The following OXSR1 variants were observed in gnomAD, a reference collection of about 807,000 sequenced individuals.
The protein encoded by OXSR1 is oxidative stress responsive kinase 1, also known as serine/threonine-protein kinase OSR1.
OXSR1 carries 24 observed loss-of-function variants against 79.8 expected under a neutral mutation model. That is an observed-to-expected ratio of 0.30 (90% confidence interval 0.22 to 0.42). OXSR1 has a LOEUF of 0.42. Ranked by LOEUF, OXSR1 falls within the 10% of genes least tolerant of loss-of-function variation. The pLI is 1.00. For missense variants in OXSR1, 430 were observed against 618.4 expected (o/e 0.70, Z 3.23); for synonymous variants, 226 against 209.2 (o/e 1.08, Z -0.69).
At position 38,223,723 on chromosome 3, in the gene OXSR1, T is replaced by C. The variant is rs964117638; in HGVS notation, c.601-89T>C. On this transcript the variant is annotated intron_variant, in intron 6 of 17. Coordinates refer to ENST00000311806, the MANE Select transcript of OXSR1 (RefSeq NM_005109.3). ...CCTCAGCCTCCCAAAGTGCTGGGAT[T>C]ACAGGTGTGAGCCTCCACCCTGGCC... 3 of 818,698 alleles carry C rather than the reference T, an allele frequency of 3.7e-6. No individual in the cohort carries two copies. The African/African-American group carries it at 5.2e-5, about 14-fold the overall frequency. The allele number at this position is 818,698 out of a possible 1,614,324, so 50.7% of individuals were successfully genotyped here. A position where few individuals can be genotyped will look rare whatever the true frequency, so the allele number is the denominator to read the frequency against.
At chr3:38,227,682 G>A (rs1424476651) in intron 8 of OXSR1, among the ~76,000 whole-genome samples, 1 of 152,074 alleles carries the variant, frequency 6.6e-6, no homozygotes, top group African/African-American at 2.4e-5. Flanking sequence ...GAATTTTCGA[G>A]AGTTGATGAA....
chr3:38,198,699 A>C, intron 3 of OXSR1, 23 bp from the exon 4 acceptor site: 1 of 1,591,066 alleles, frequency 6.3e-7, no homozygotes, highest in Non-Finnish European at 8.6e-7. Flanking sequence ...AGATTTTTAG[A>C]AAATTATGTC....
chr3:38,172,357 A>G (rs1701598250), intron 1 of OXSR1, among the ~76,000 whole-genome samples: 1 of 152,218 alleles, frequency 6.6e-6, no homozygotes, highest in African/African-American at 2.4e-5. Flanking sequence ...GATATTGCTA[A>G]TAATACAATA....
intron 1 of OXSR1, among the ~76,000 whole-genome samples, chr3:38,178,616 ATATATTTTT>A (rs1337660994): frequency 1.6e-4 from 14 of 88,016 alleles, no homozygotes; most frequent in African/African-American, 7.2e-4. Flanking sequence ...ATATATATAT[ATATATTTTT>A]TTTTTTTTTT....
At chr3:38,173,777 G>A (rs1476427152) in intron 1 of OXSR1, among the ~76,000 whole-genome samples, 2 of 152,208 alleles carry the variant, frequency 1.3e-5, no homozygotes, top group Non-Finnish European at 2.9e-5. Context: ...GCCAGGCACT[G>A]TTCTGGATGC....
At chr3:38,172,599 G>A (rs1263819499) in intron 1 of OXSR1, among the ~76,000 whole-genome samples, 1 of 152,148 alleles carries the variant, frequency 6.6e-6, no homozygotes, top group African/African-American at 2.4e-5. Flanking sequence ...TGAGTTTAAA[G>A]TTGTGGTTTT....
chr3:38,198,624 G>A (rs1702107307), intron 3 of OXSR1, 98 bp from the exon 4 acceptor site: 1 of 830,280 alleles, frequency 1.2e-6, no homozygotes, highest in Non-Finnish European at 1.8e-6. Context: ...GCACAGTTAA[G>A]TTTATGAGAA....
chr3:38,252,818 C>A lies in OXSR1; in HGVS notation c.1511C>A (p.Ala504Glu), dbSNP rs1703285963. 4 of 1,610,588 alleles carry A rather than the reference C, an allele frequency of 2.5e-6. No homozygotes were observed. The highest frequency in any genetic ancestry group is 3.4e-6 in the Non-Finnish European group (4 of 1,177,048). Residue 504 changes from alanine to glutamate, a missense_variant and splice_region_variant, in exon 18 of 18, where the codon GCA (alanine) becomes GAA (glutamate). Physicochemically the swap from Ala to Glu is moderately radical, Grantham distance 107. Transcript: ENST00000311806. ...TTTCTCATTTTGTTTGGTTCTTAGG[C>A]ATCTGGTGTCGAAGGCTCAGATATT... ...QSNRSVTFKL[A>E]SGVEGSDIPD...
intron 1 of OXSR1, among the ~76,000 whole-genome samples, chr3:38,169,002 A>G (rs1314721998): frequency 1.3e-5 from 2 of 152,270 alleles, no homozygotes; most frequent in African/African-American, 2.4e-5. Flanking sequence ...GCTGGGTTAT[A>G]TCACAAATTC....
intron 5 of OXSR1, among the ~76,000 whole-genome samples, chr3:38,219,208 C>A (rs1463761727): frequency 6.6e-6 from 1 of 152,086 alleles, no homozygotes; most frequent in African/African-American, 2.4e-5. Flanking sequence ...TTTAACTAGT[C>A]TTCAGGGTTC....
At chr3:38,164,772 G>A (rs1031504612), upstream of OXSR1, among the ~76,000 whole-genome samples, 1 of 152,128 alleles carries the variant, frequency 6.6e-6, no homozygotes, top group South Asian at 2.1e-4. Flanking sequence ...TTGAGCTTCA[G>A]ATCTAAAGCT....
intron 5 of OXSR1, among the ~76,000 whole-genome samples, chr3:38,221,164 G>A (rs887835672): frequency 2.6e-5 from 4 of 152,064 alleles, no homozygotes; most frequent in African/African-American, 9.7e-5. Flanking sequence ...AAAAATGAAT[G>A]GATAAATGAA....
intron 4 of OXSR1, among the ~76,000 whole-genome samples, chr3:38,205,895 T>G (rs1238087740): frequency 6.6e-6 from 1 of 152,204 alleles, no homozygotes; most frequent in Non-Finnish European, 1.5e-5. Context: ...CTGAAATGGT[T>G]GTTTTGTCAT....
chr3:38,231,750 A>G (rs552198233), intron 10 of OXSR1, among the ~76,000 whole-genome samples: 2 of 152,232 alleles, frequency 1.3e-5, no homozygotes, highest in African/African-American at 4.8e-5. Context: ...TTCTATGCTT[A>G]TTATTGTTTA....
rs111369288 is a variant in OXSR1 at position 38,228,338 on chromosome 3, A to G, written c.837-1349A>G. On this transcript the variant is annotated intron_variant, in intron 8 of 17. Coordinates refer to ENST00000311806, the MANE Select transcript of OXSR1 (RefSeq NM_005109.3). ...GTTGAGCAATCACATTGTTGAGCAT[A>G]TTGAGAAGCAATTGTTGAGCATATG... 4.3e-3 allele frequency among the ~76,000 whole-genome samples: 658 copies of G among 152,340 alleles called. 4 individuals are homozygous for G. The highest frequency in any genetic ancestry group is 6.6e-3 in the Non-Finnish European group (446 of 68,032).
chr3:38,231,343 AAAAG>A (rs1575359900), intron 10 of OXSR1, among the ~76,000 whole-genome samples: 2 of 152,278 alleles, frequency 1.3e-5, no homozygotes, highest in East Asian at 1.9e-4. Flanking sequence ...CTTAAAAAAA[AAAAG>A]AAAGAAACAT....
intron 12 of OXSR1, among the ~76,000 whole-genome samples, chr3:38,243,228 C>T (rs1307563465): frequency 6.6e-6 from 1 of 151,964 alleles, no homozygotes; most frequent in Admixed American, 6.6e-5. Flanking sequence ...TAGGGTCTCA[C>T]CATGTTGCCC....
intron 4 of OXSR1, among the ~76,000 whole-genome samples, chr3:38,211,955 G>A (rs995918749): frequency 7.2e-5 from 11 of 152,184 alleles, no homozygotes; most frequent in Admixed American, 2.6e-4. Context: ...CGCAGCATTC[G>A]CCATTTAGCT....
At chr3:38,191,869 A>G (rs926861108) in intron 3 of OXSR1, among the ~76,000 whole-genome samples, 1 of 152,072 alleles carries the variant, frequency 6.6e-6, no homozygotes, top group Non-Finnish European at 1.5e-5. Context: ...TAAAACGGTG[A>G]TTTTTCTTAC....
Sources: allele counts gnomAD v4.1 joint callset (sites outside exome capture counted in the v4.1 genomes callset), GRCh38; gene constraint gnomAD v4.1.1; transcripts MANE v1.5; gene names NCBI Gene and HGNC (gene_info 2026-07-23, HGNC 2026-07-21).